Variants in ATF7 observed in about 807,000 individuals in gnomAD.
ATF7 encodes cyclic AMP-dependent transcription factor ATF-7.
Under a neutral mutation model 50.4 loss-of-function variants are expected in ATF7, and 10 were observed. The ratio of observed to expected loss-of-function variants is 0.20; its 90% CI spans 0.12 to 0.34. The LOEUF (loss-of-function observed/expected upper bound fraction) is 0.34. Among genes scored for constraint, ATF7 ranks in the 10% least tolerant of loss-of-function variants. ATF7 has a pLI of 1.00. For synonymous variants in ATF7, 201 were observed against 226.4 expected (o/e 0.89, Z 1.01); for missense variants, 465 against 613.9 (o/e 0.76, Z 2.56).
chr12:53,588,903 G>T (rs549296388), intron 2 of ATF7, among the ~76,000 whole-genome samples: 3 of 152,186 alleles, frequency 2.0e-5, no homozygotes, highest in African/African-American at 4.8e-5. Context: ...GTTGCAGAAA[G>T]ATTTCTTCAT....
At chr12:53,560,217 C>T (rs1157560665) in intron 2 of ATF7, among the ~76,000 whole-genome samples, 9 of 151,922 alleles carry the variant, frequency 5.9e-5, no homozygotes, top group South Asian at 4.2e-4. Flanking sequence ...CCACCGCACC[C>T]GGCCTCCTCT....
chr12:53,553,039 T>A (rs1333400665), intron 2 of ATF7, among the ~76,000 whole-genome samples: 1 of 152,080 alleles, frequency 6.6e-6, no homozygotes, highest in Non-Finnish European at 1.5e-5. Flanking sequence ...AATAGGAAAT[T>A]GAGAATGAAG....
intron 4 of ATF7, among the ~76,000 whole-genome samples, chr12:53,537,904 GTT>G (rs1213128593): frequency 6.6e-6 from 1 of 152,038 alleles, no homozygotes. Context: ...TAGAGATGGG[GTT>G]TCTCCATGTT....
At chr12:53,544,729 A>G (rs1210926942) in intron 3 of ATF7, among the ~76,000 whole-genome samples, 1 of 152,162 alleles carries the variant, frequency 6.6e-6, no homozygotes, top group Admixed American at 6.6e-5. Flanking sequence ...AGCCTGGGTG[A>G]CAGAGTGAGA....
In ATF7 at chr12:53,524,748, T is replaced by C. The variant is rs1231786260; in HGVS notation, c.941A>G (p.Gln314Arg). ...TCGCCCCCCAGTACTAGGGGTGGGCTGAGCTGGTGAGACCTGGTGCCCAGG... is the reference window on the plus strand; with the variant it reads ...TCGCCCCCCAGTACTAGGGGTGGGCCGAGCTGGTGAGACCTGGTGCCCAGG... ...SPAQPQVSPA[Q>R]PTPSTGGRRR... is the part of the protein sequence containing the mutation. The change falls in exon 10 of 12, where the codon CAG (glutamine) becomes CGG (arginine). Residue 314 changes from glutamine to arginine, a missense_variant. Physicochemically the swap from Gln to Arg is conservative, Grantham distance 43. Coordinates refer to ENST00000420353, the MANE Select transcript of ATF7 (RefSeq NM_006856.3). This position sits in a 1 kb window ranked among gnomAD's most constrained non-coding sequence, Gnocchi z 4.6. The C allele has an allele frequency of 6.2e-7, 1 of 1,605,804 alleles. No individual in the cohort carries two copies.
intron 6 of ATF7, 47 bp downstream of exon 6, chr12:53,534,455 G>A (rs775659628): frequency 1.2e-6 from 2 of 1,607,680 alleles, no homozygotes; most frequent in Non-Finnish European, 1.7e-6. Flanking sequence ...TTCATGTAAT[G>A]GAAAGAAATG....
At chr12:53,612,050 A>T (rs985072319) in intron 1 of ATF7, among the ~76,000 whole-genome samples, 38 of 152,006 alleles carry the variant, frequency 2.5e-4, no homozygotes, top group African/African-American at 9.2e-4. Flanking sequence ...ATCTCAGCTC[A>T]TTGCCACCTC....
intron 9 of ATF7, among the ~76,000 whole-genome samples, chr12:53,528,320 A>G (rs1938610505): frequency 6.6e-6 from 1 of 152,168 alleles, no homozygotes; most frequent in Non-Finnish European, 1.5e-5. Context: ...AGCTGACTGG[A>G]GCACATGTAA....
intron 1 of ATF7, among the ~76,000 whole-genome samples, chr12:53,608,916 T>C (rs1292386779): frequency 6.6e-6 from 1 of 152,108 alleles, no homozygotes; most frequent in Non-Finnish European, 1.5e-5. Flanking sequence ...AGTTAACACA[T>C]GAACTGTGAG....
At chr12:53,580,934 A>C (rs1414653778) in intron 2 of ATF7, among the ~76,000 whole-genome samples, 1 of 151,594 alleles carries the variant, frequency 6.6e-6, no homozygotes, top group Admixed American at 6.6e-5. Context: ...CAACATGGTG[A>C]AACCCTGTCT....
rs896111984 is a variant in ATF7, at chr12:53,517,042, C to A, written c.*95G>T. 2.9e-6 allele frequency: 4 copies of A among 1,365,160 alleles called. No homozygotes were observed. Among genetic ancestry groups the A allele is most frequent in the African/African-American group, 1.4e-5 (1 of 70,262 alleles). The allele number at this position is 1,365,160 out of a possible 1,614,324, so 84.6% of individuals were successfully genotyped here. A position where few individuals can be genotyped will look rare whatever the true frequency, so the allele number is the denominator to read the frequency against. ...CACACAATTCCCCCCACCCATATTG[C>A]CATGTCCAAGGCAGATGGGAGGGGA... On this transcript the variant is annotated 3_prime_UTR_variant, in exon 12 of 12. Coordinates refer to ENST00000420353, the MANE Select transcript of ATF7 (RefSeq NM_006856.3).
intron 10 of ATF7, 70 bp from the exon 11 acceptor site, chr12:53,523,454 C>G: frequency 1.7e-6 from 2 of 1,146,364 alleles, no homozygotes; most frequent in Non-Finnish European, 2.6e-6. Flanking sequence ...AGTGGCTGTT[C>G]CCAAAGGAAG....
intron 1 of ATF7, among the ~76,000 whole-genome samples, chr12:53,622,648 G>T: frequency 7.9e-6 from 1 of 126,244 alleles, no homozygotes; most frequent in Non-Finnish European, 1.6e-5. Context: ...GCGAAATTGC[G>T]TCTCAAAAAA....
Position 53,587,366 on chromosome 12 carries a change from C to CAAAAAAAAAAAAAAAAAAAAAAA in ATF7, c.48+13586_48+13587insTTTTTTTTTTTTTTTTTTTTTTT, listed in dbSNP as rs55904354. ...TGGGTGACAGAGCGAAATTCCGCAT[C>CAAAAAAAAAAAAAAAAAAAAAAA]AAAAAAAAAAAAAAAAAGAAGGAAA... On this transcript the variant is annotated intron_variant, in intron 2 of 11. Transcript: ENST00000420353. Among the ~76,000 whole-genome samples the CAAAAAAAAAAAAAAAAAAAAAAA allele has an allele frequency of 8.5e-4, 53 of 62,284 alleles. 6 individuals carry two copies. In the East Asian group the frequency reaches 0.01, roughly 12 times the overall value. 40.9% of individuals were successfully genotyped at this position (62,284 alleles called of 152,430 possible).
At chr12:53,559,865 A>G (rs759439539) in intron 2 of ATF7, among the ~76,000 whole-genome samples, 1 of 152,184 alleles carries the variant, frequency 6.6e-6, no homozygotes, top group African/African-American at 2.4e-5. Context: ...AAAACAGTAC[A>G]GTACCTTGGA....
intron 2 of ATF7, among the ~76,000 whole-genome samples, chr12:53,575,407 T>TAAA (rs554041037): frequency 2.5e-5 from 3 of 121,792 alleles, no homozygotes; most frequent in Non-Finnish European, 3.5e-5. Context: ...AACTCTGTCT[T>TAAA]AAAAAAAAAA....
chr12:53,517,074 G>T lies in ATF7; in HGVS notation c.*63C>A. ...CAAGGCAGATGGGAGGGGATAAGATGACATCTCTCTTGGCTCTTGGGCGGG... is the reference window on the plus strand; with the variant it reads ...CAAGGCAGATGGGAGGGGATAAGATTACATCTCTCTTGGCTCTTGGGCGGG... On this transcript the variant is annotated 3_prime_UTR_variant, in exon 12 of 12. Coordinates refer to ENST00000420353, the MANE Select transcript of ATF7 (RefSeq NM_006856.3). The T allele has an allele frequency of 1.3e-6, 2 of 1,548,604 alleles. No individual in the cohort carries two copies. Among genetic ancestry groups the T allele is most frequent in the South Asian group, 1.1e-5 (1 of 89,592 alleles).
At chr12:53,618,234 A>G (rs927967105) in intron 1 of ATF7, among the ~76,000 whole-genome samples, 2 of 152,182 alleles carry the variant, frequency 1.3e-5, no homozygotes, top group African/African-American at 2.4e-5. Context: ...CTTCAAGAGT[A>G]AGTTCCTTGA....
intron 3 of ATF7, 41 bp downstream of exon 3, chr12:53,552,500 C>T (rs778208491): frequency 6.7e-7 from 1 of 1,489,446 alleles, no homozygotes; most frequent in East Asian, 2.3e-5. Flanking sequence ...TCTTAACTGC[C>T]TGGTGGTATC....
Sources: allele counts gnomAD v4.1 joint callset (sites outside exome capture counted in the v4.1 genomes callset), GRCh38; gene constraint gnomAD v4.1.1; non-coding constraint Gnocchi (gnomAD v3.1); transcripts MANE v1.5; gene names NCBI Gene and HGNC (gene_info 2026-07-23, HGNC 2026-07-21).